The following FBLN5 variants were observed in gnomAD, a reference collection of about 807,000 sequenced individuals.
FBLN5 encodes fibulin 5, also known as fibulin-5.
Under a neutral mutation model 61.6 loss-of-function variants are expected in FBLN5, and 24 were observed. The ratio of observed to expected loss-of-function variants is 0.39; its 90% CI spans 0.28 to 0.55. The LOEUF (loss-of-function observed/expected upper bound fraction) is 0.55. Among genes scored for constraint, FBLN5 ranks in the 20% least tolerant of loss-of-function variants. FBLN5 has a pLI of 0.65. For missense variants in FBLN5, 470 were observed against 594.1 expected (o/e 0.79, Z 2.17); for synonymous variants, 213 against 219.8 (o/e 0.97, Z 0.27).
chr14:91,884,000 C>G (rs921148210), intron 7 of FBLN5, among the ~76,000 whole-genome samples: 1 of 152,246 alleles, frequency 6.6e-6, no homozygotes, highest in Non-Finnish European at 1.5e-5. Flanking sequence ...ACATGTTGTT[C>G]TTGCATTTGT....
intron 4 of FBLN5, among the ~76,000 whole-genome samples, chr14:91,904,339 GTC>G (rs1890585893): frequency 6.6e-6 from 1 of 152,102 alleles, no homozygotes; most frequent in African/African-American, 2.4e-5. Context: ...ATTGTGGCCC[GTC>G]TCTCATTCCC....
chr14:91,917,612 A>G (rs1891252629), intron 4 of FBLN5, among the ~76,000 whole-genome samples: 1 of 151,810 alleles, frequency 6.6e-6, no homozygotes, highest in African/African-American at 2.4e-5. Flanking sequence ...AAAGAAAGAA[A>G]AAACAAAATA....
Position 91,947,449 on chromosome 14 carries a change from C to A in FBLN5, c.-220G>T, listed in dbSNP as rs911713024. 2 of 626,996 alleles carry A rather than the reference C, an allele frequency of 3.2e-6. No homozygotes were observed. The highest frequency in any genetic ancestry group is 2.8e-6 in the Non-Finnish European group (1 of 351,314). 38.8% of individuals were successfully genotyped at this position (626,996 alleles called of 1,614,324 possible). On this transcript the variant is annotated 5_prime_UTR_variant, in exon 1 of 11. In the 5' UTR this introduces an upstream ATG that the reference lacks. Coordinates refer to ENST00000342058, the MANE Select transcript of FBLN5 (RefSeq NM_006329.4). This position sits in a 1 kb window ranked among gnomAD's most constrained non-coding sequence, Gnocchi z 4.3. The stretch of plus-strand genomic sequence containing the variant: ...CGCAAGCACCTGGTTTTGCTTAGCC[C>A]TCTTCAGTAATTCAGCATTAAACCA...
In FBLN5 at chr14:91,882,863, A is replaced by G. The variant is rs1889539460; in HGVS notation, c.862+91T>C. ...CCCTGCCACCTTCCCAAAGCTGCAC[A>G]TGATTCCCCAGGTGAGGATATCCAG... On this transcript the variant is annotated intron_variant, in intron 8 of 10. Coordinates refer to ENST00000342058, the MANE Select transcript of FBLN5 (RefSeq NM_006329.4). The surrounding 1 kb of genome is among the most constrained non-coding windows in gnomAD (Gnocchi z 4.9). 2 of 1,480,844 alleles carry G rather than the reference A, an allele frequency of 1.4e-6. No homozygotes were observed. Among genetic ancestry groups the G allele is most frequent in the South Asian group, 1.2e-5 (1 of 84,476 alleles). The allele number at this position is 1,480,844 out of a possible 1,614,324, so 91.7% of individuals were successfully genotyped here.
At chr14:91,890,629 G>A (rs1169716500) in intron 6 of FBLN5, among the ~76,000 whole-genome samples, 2 of 152,242 alleles carry the variant, frequency 1.3e-5, no homozygotes, top group South Asian at 4.1e-4. Context: ...ATGATCATGT[G>A]AAAACCACAA....
At chr14:91,946,771 A>C in intron 1 of FBLN5, 6 of 1,536,106 alleles carry the variant, frequency 3.9e-6, no homozygotes, top group Non-Finnish European at 5.2e-6. Context: ...AGAATCCCAC[A>C]CAAACATAGA....
chr14:91,870,436 C>T (rs1381352530), intron 10 of FBLN5, 51 bp from the exon 11 acceptor site: 5 of 1,592,648 alleles, frequency 3.1e-6, no homozygotes, highest in Non-Finnish European at 4.3e-6. Flanking sequence ...CATGGTGGCC[C>T]TGCAGCCCCA....
chr14:91,940,693 TGG>T, intron 2 of FBLN5, 77 bp from the exon 3 acceptor site: 1 of 1,304,410 alleles, frequency 7.7e-7, no homozygotes, highest in South Asian at 1.2e-5. Context: ...CACAGAAAGT[TGG>T]GGAAATGGAG....
intron 4 of FBLN5, among the ~76,000 whole-genome samples, chr14:91,933,888 T>C (rs1290298372): frequency 1.3e-5 from 2 of 152,012 alleles, no homozygotes; most frequent in African/African-American, 2.4e-5. Flanking sequence ...GGCATGAGGA[T>C]TGCTTGAGCC....
intron 4 of FBLN5, among the ~76,000 whole-genome samples, chr14:91,932,892 A>G (rs1287754724): frequency 6.6e-6 from 1 of 152,240 alleles, no homozygotes; most frequent in African/African-American, 2.4e-5. Flanking sequence ...ATTTGCATGG[A>G]TCTGATTTCA....
chr14:91,886,504 C>T (rs1889730339), intron 7 of FBLN5, among the ~76,000 whole-genome samples: 1 of 152,014 alleles, frequency 6.6e-6, no homozygotes, highest in Admixed American at 6.6e-5. Flanking sequence ...ATAATAGAGT[C>T]CATAAACTAG....
intron 4 of FBLN5, among the ~76,000 whole-genome samples, chr14:91,919,912 T>A (rs1458531079): frequency 1.3e-5 from 2 of 152,188 alleles, no homozygotes; most frequent in African/African-American, 2.4e-5. Flanking sequence ...AGCAAACTAG[T>A]ACATTGTGTG....
chr14:91,942,292 G>A (rs940692871), intron 2 of FBLN5: 22 of 405,276 alleles, frequency 5.4e-5, no homozygotes, highest in Non-Finnish European at 1.1e-4. Flanking sequence ...CCAGGGATGG[G>A]CCCTCCTAGG....
At chr14:91,915,404 G>A (rs766618184) in intron 4 of FBLN5, among the ~76,000 whole-genome samples, 43 of 152,062 alleles carry the variant, frequency 2.8e-4, no homozygotes, top group African/African-American at 7.0e-4. Context: ...ATATCGTAGC[G>A]GCCAAGCACG....
At chr14:91,940,897 G>A (rs961985791) in intron 2 of FBLN5, among the ~76,000 whole-genome samples, 2 of 152,046 alleles carry the variant, frequency 1.3e-5, no homozygotes, top group African/African-American at 4.8e-5. Context: ...TTGAGCCCAG[G>A]ATTTTGAGAC....
Position 91,912,017 on chromosome 14 carries a change from T to C in FBLN5, c.380-16945A>G, listed in dbSNP as rs78525611. 2.1e-3 allele frequency among the ~76,000 whole-genome samples: 321 copies of C among 152,362 alleles called. 7 individuals are homozygous for C. The East Asian group carries it at 0.04, about 19-fold the overall frequency. ...GTCTCATGTCATATGAATATTACAC[T>C]GTGCATCATTGTTACATTGTATACA... On this transcript the variant is annotated intron_variant, in intron 4 of 10. Coordinates refer to ENST00000342058, the MANE Select transcript of FBLN5 (RefSeq NM_006329.4).
At position 91,870,147 on chromosome 14, in the gene FBLN5, A is replaced by T. The variant is rs1326922015; in HGVS notation, c.*77T>A. On this transcript the variant is annotated 3_prime_UTR_variant, in exon 11 of 11. Transcript: ENST00000342058. ...AATGCCTAACGTCTGTGTCGCTCTCATTCTCTCTGTTATTTCCTCTCTTCT... is the reference window on the plus strand; with the variant it reads ...AATGCCTAACGTCTGTGTCGCTCTCTTTCTCTCTGTTATTTCCTCTCTTCT... 3.2e-5 allele frequency: 47 copies of T among 1,447,384 alleles called. No individual in the cohort carries two copies. The East Asian group carries it at 3.6e-4, about 11-fold the overall frequency. The allele number at this position is 1,447,384 out of a possible 1,614,324, so 89.7% of individuals were successfully genotyped here.
At chr14:91,924,416 G>A (rs1595337850) in intron 4 of FBLN5, among the ~76,000 whole-genome samples, 1 of 152,200 alleles carries the variant, frequency 6.6e-6, no homozygotes, top group Non-Finnish European at 1.5e-5. Flanking sequence ...GACCGCGTGT[G>A]GTGGCTCACG....
intron 4 of FBLN5, among the ~76,000 whole-genome samples, chr14:91,905,868 A>T (rs892853649): frequency 1.3e-5 from 2 of 149,936 alleles, no homozygotes; most frequent in East Asian, 3.9e-4. Context: ...GTGAGCCACC[A>T]CACCTGGCCG....
Sources: gnomAD v4.1 joint callset for allele counts (sites outside exome capture counted in the v4.1 genomes callset) on GRCh38, gnomAD v4.1.1 for gene constraint, Gnocchi (gnomAD v3.1) non-coding constraint, MANE v1.5 for transcripts, NCBI Gene and HGNC (gene_info 2026-07-23, HGNC 2026-07-21) for gene names.